The following PRKCB variants were observed in gnomAD, a reference collection of about 807,000 sequenced individuals.
The protein encoded by PRKCB is protein kinase C beta, also known as protein kinase C beta type.
PRKCB carries 13 observed loss-of-function variants against 81.5 expected under a neutral mutation model. The observed-to-expected ratio is 0.16, with a 90% CI of 0.10 to 0.25. The LOEUF is 0.25. PRKCB is among the 10% of genes least tolerant of loss of function. PRKCB has a pLI of 1.00. For synonymous variants in PRKCB, 335 were observed against 321.4 expected (o/e 1.04, Z -0.45); for missense variants, 509 against 875.7 (o/e 0.58, Z 5.29).
intron 9 of PRKCB, among the ~76,000 whole-genome samples, chr16:24,153,255 CTCTGG>C (rs1292052044): frequency 2.6e-5 from 4 of 152,160 alleles, no homozygotes; most frequent in African/African-American, 9.7e-5. Flanking sequence ...ATCACCTGAA[CTCTGG>C]CCCTGATTGG....
intron 2 of PRKCB, among the ~76,000 whole-genome samples, chr16:23,846,435 CT>C (rs1223304471): frequency 6.6e-6 from 1 of 151,692 alleles, no homozygotes; most frequent in Non-Finnish European, 1.5e-5. Flanking sequence ...CATGGTGAAA[CT>C]CCTTCACTAC....
At chr16:23,953,021 A>C (rs1050776448) in intron 2 of PRKCB, among the ~76,000 whole-genome samples, 38 of 152,266 alleles carry the variant, frequency 2.5e-4, no homozygotes, top group Admixed American at 2.5e-3. Flanking sequence ...TGCTTCCCAC[A>C]TGCAGGGTGC....
chr16:24,215,844 T>G lies in PRKCB; in HGVS notation c.*1028T>G, dbSNP rs1417315641. The G allele has an allele frequency of 3.0e-6, 3 of 985,468 alleles. No individual in the cohort carries two copies. Among genetic ancestry groups the G allele is most frequent in the Non-Finnish European group, 3.6e-6 (3 of 829,878 alleles). The allele number at this position is 985,468 out of a possible 1,614,324, so 61.0% of individuals were successfully genotyped here. A position where few individuals can be genotyped will look rare whatever the true frequency, so the allele number is the denominator to read the frequency against. On this transcript the variant is annotated 3_prime_UTR_variant, in exon 17 of 17. Coordinates refer to ENST00000643927, the MANE Select transcript of PRKCB (RefSeq NM_002738.7). Reference sequence around the variant, plus strand: ...TACTGGCTTCAGAAAGCTAATTAAGTGCTCTGAAAAAGACACCGTTTCTTG... The same window carrying G: ...TACTGGCTTCAGAAAGCTAATTAAGGGCTCTGAAAAAGACACCGTTTCTTG...
intron 5 of PRKCB, among the ~76,000 whole-genome samples, chr16:24,056,828 A>G (rs1049719595): frequency 3.3e-5 from 5 of 152,214 alleles, no homozygotes; most frequent in Admixed American, 6.5e-5. Context: ...ATGAACAAAA[A>G]TAAACCTCTT....
chr16:23,952,606 C>G (rs1276523359), intron 2 of PRKCB, among the ~76,000 whole-genome samples: 1 of 152,156 alleles, frequency 6.6e-6, no homozygotes, highest in Admixed American at 6.5e-5. Flanking sequence ...ATCTCTTTAT[C>G]TGTGGCCACA....
chr16:24,125,190 C>T (rs947722065), intron 9 of PRKCB, among the ~76,000 whole-genome samples: 5 of 152,046 alleles, frequency 3.3e-5, no homozygotes, highest in Non-Finnish European at 5.9e-5. Flanking sequence ...ACTTCGTAGC[C>T]GTAATAATTT....
chr16:23,975,074 A>T (rs2560401), intron 2 of PRKCB, among the ~76,000 whole-genome samples: 3 of 152,144 alleles, frequency 2.0e-5, no homozygotes, highest in Admixed American at 6.5e-5. Context: ...ACCAGAGAAA[A>T]GGGAGTGGAC....
At chr16:24,109,946 A>G (rs1463515524) in intron 7 of PRKCB, among the ~76,000 whole-genome samples, 1 of 125,610 alleles carries the variant, frequency 8.0e-6, no homozygotes, top group Non-Finnish European at 1.6e-5. Flanking sequence ...CTCCACCAAA[A>G]CCAGTCAGGC....
intron 9 of PRKCB, among the ~76,000 whole-genome samples, chr16:24,133,248 A>G (rs149428852): frequency 6.6e-6 from 1 of 152,184 alleles, no homozygotes; most frequent in Non-Finnish European, 1.5e-5. Context: ...TTTTCAGTGT[A>G]AGTTGCTGCC....
At chr16:24,122,425 A>G (rs1966809018) in intron 8 of PRKCB, among the ~76,000 whole-genome samples, 1 of 146,254 alleles carries the variant, frequency 6.8e-6, no homozygotes, top group Admixed American at 6.8e-5. Context: ...CAGCTGATTC[A>G]TGTCAGAGGA....
Position 23,836,144 on chromosome 16 carries a change from C to A in PRKCB, c.-32C>A. On this transcript the variant is annotated 5_prime_UTR_variant, in exon 1 of 17. Transcript: ENST00000643927. ...CGCGGTCCCGCGGCCCCGGGGCCGG[C>A]ACCTCTCGGGCTCCGGCTCCCCGCG... The A allele has an allele frequency of 7.1e-7, 1 of 1,398,994 alleles. No homozygotes were observed. The highest frequency in any genetic ancestry group is 9.3e-7 in the Non-Finnish European group (1 of 1,075,492). The allele number at this position is 1,398,994 out of a possible 1,614,324, so 86.7% of individuals were successfully genotyped here.
intron 2 of PRKCB, among the ~76,000 whole-genome samples, chr16:23,965,092 T>C (rs1964470304): frequency 6.6e-6 from 1 of 152,228 alleles, no homozygotes; most frequent in Admixed American, 6.5e-5. Context: ...GGTGTACTAA[T>C]GATTTCATCA....
At chr16:24,092,297 G>A (rs1966385708) in intron 5 of PRKCB, among the ~76,000 whole-genome samples, 1 of 152,140 alleles carries the variant, frequency 6.6e-6, no homozygotes, top group African/African-American at 2.4e-5. Flanking sequence ...TTGTGTTGGG[G>A]TACACAAATG....
At chr16:24,034,170 G>A (rs1481481008) in intron 4 of PRKCB, among the ~76,000 whole-genome samples, 1 of 152,206 alleles carries the variant, frequency 6.6e-6, no homozygotes, top group African/African-American at 2.4e-5. Flanking sequence ...CTAATATAGG[G>A]ACAATGTCCC....
rs1264267797 is a variant in PRKCB, at chr16:24,216,154, C to T, written c.*1338C>T. On this transcript the variant is annotated 3_prime_UTR_variant, in exon 17 of 17. Coordinates refer to ENST00000643927, the MANE Select transcript of PRKCB (RefSeq NM_002738.7). ...CCCAGTGTTCAGCCACTCGGAGGGG[C>T]GGGGGCTGTGGCCCATTCAGGGGCT... is the stretch of plus-strand genomic sequence containing the variant. 36 of 985,258 alleles carry T rather than the reference C, an allele frequency of 3.7e-5. No homozygotes were observed. Among genetic ancestry groups the T allele is most frequent in the East Asian group, 2.3e-4 (2 of 8,826 alleles). 61.0% of individuals were successfully genotyped at this position (985,258 alleles called of 1,614,324 possible). A position where few individuals can be genotyped will look rare whatever the true frequency, so the allele number is the denominator to read the frequency against.
At chr16:24,199,555 C>A (rs1479472587) in intron 16 of PRKCB, among the ~76,000 whole-genome samples, 1 of 152,150 alleles carries the variant, frequency 6.6e-6, no homozygotes, top group Admixed American at 6.5e-5. Flanking sequence ...AGCACAGAAC[C>A]TAACTCCCCC....
chr16:24,137,266 G>A (rs969535750), intron 9 of PRKCB, among the ~76,000 whole-genome samples: 1 of 151,968 alleles, frequency 6.6e-6, no homozygotes, highest in African/African-American at 2.4e-5. Flanking sequence ...TTAGCTCACT[G>A]CAGCCCCGAA....
intron 5 of PRKCB, among the ~76,000 whole-genome samples, chr16:24,039,322 A>G (rs1965668258): frequency 6.6e-6 from 1 of 151,972 alleles, no homozygotes; most frequent in Non-Finnish European, 1.5e-5. Flanking sequence ...TCTGCCTCTC[A>G]TGTTCAAGCG....
rs142969519 is a variant in PRKCB at position 24,126,768 on chromosome 16, T to C, written c.1065+2787T>C. On this transcript the variant is annotated intron_variant, in intron 9 of 16. Coordinates refer to ENST00000643927, the MANE Select transcript of PRKCB (RefSeq NM_002738.7). ...CCAGGCTGGTCTTGAACTCCTGACCTCATGTGATCCGTTCGCCTCGGCCTC... is the reference window on the plus strand; with the variant it reads ...CCAGGCTGGTCTTGAACTCCTGACCCCATGTGATCCGTTCGCCTCGGCCTC... Among the ~76,000 whole-genome samples, 26 of 152,038 alleles carry C rather than the reference T, an allele frequency of 1.7e-4. No homozygotes were observed. The East Asian group carries it at 5.1e-3, about 30-fold the overall frequency.
Sources: allele counts gnomAD v4.1 joint callset (sites outside exome capture counted in the v4.1 genomes callset), GRCh38; gene constraint gnomAD v4.1.1; transcripts MANE v1.5; gene names NCBI Gene and HGNC (gene_info 2026-07-23, HGNC 2026-07-21).